POU6F2: variants seen among roughly 807,000 people sequenced by gnomAD.
The protein encoded by POU6F2 is POU class 6 homeobox 2.
Under a neutral mutation model 71.3 loss-of-function variants are expected in POU6F2, and 31 were observed. The ratio of observed to expected loss-of-function variants is 0.43; its 90% CI spans 0.33 to 0.59. The LOEUF is 0.59. Among genes scored for constraint, POU6F2 ranks in the 20% least tolerant of loss-of-function variants. POU6F2 has a pLI of 0.04. For missense variants in POU6F2, 783 were observed against 856.8 expected, an observed-to-expected ratio of 0.91 and a Z score of 1.07; for synonymous variants, 347 against 355.7, an observed-to-expected ratio of 0.98 and a Z score of 0.27.
intron 4 of POU6F2, among the ~76,000 whole-genome samples, chr7:39,281,460 C>T (rs926891771): frequency 5.3e-5 from 8 of 152,118 alleles, no homozygotes; most frequent in Non-Finnish European, 8.8e-5. Context: ...CTCCTCCTCC[C>T]TCCCCTTTCC....
At chr7:39,150,225 C>CTGTGTGTGCGTGTGTGTGTGTGTG (rs1792727062) in intron 2 of POU6F2, among the ~76,000 whole-genome samples, 2 of 141,160 alleles carry the variant, frequency 1.4e-5, no homozygotes, top group African/African-American at 5.4e-5. Flanking sequence ...AGTAATATGT[C>CTGTGTGTGCGTGTGTGTGTGTGTG]TGTGTGTGTG....
At chr7:39,286,457 T>C (rs1435665328) in intron 4 of POU6F2, among the ~76,000 whole-genome samples, 1 of 152,232 alleles carries the variant, frequency 6.6e-6, no homozygotes, top group African/African-American at 2.4e-5. Flanking sequence ...GGGGCAGAAT[T>C]AACAGGACAA....
chr7:39,016,100 A>G (rs1461722220), intron 1 of POU6F2, among the ~76,000 whole-genome samples: 2 of 107,626 alleles, frequency 1.9e-5, no homozygotes, highest in East Asian at 4.9e-4. Context: ...ATTATACATT[A>G]TATATCTATA....
chr7:39,364,196 C>A (rs1219716061), intron 5 of POU6F2, among the ~76,000 whole-genome samples: 1 of 151,498 alleles, frequency 6.6e-6, no homozygotes, highest in African/African-American at 2.4e-5. Flanking sequence ...GACATAGTTG[C>A]TGCAGGTGAG....
At chr7:39,024,864 C>T (rs1454189361) in intron 1 of POU6F2, among the ~76,000 whole-genome samples, 1 of 152,132 alleles carries the variant, frequency 6.6e-6, no homozygotes, top group Non-Finnish European at 1.5e-5. Flanking sequence ...CCCACTTGAT[C>T]ATGGTGGATA....
chr7:39,308,779 C>G (rs141792742), intron 4 of POU6F2, among the ~76,000 whole-genome samples: 6 of 152,134 alleles, frequency 3.9e-5, no homozygotes, highest in African/African-American at 1.4e-4. Flanking sequence ...AGGAAGTGGG[C>G]GCCCTGTGCC....
intron 2 of POU6F2, among the ~76,000 whole-genome samples, chr7:39,160,390 C>T (rs1562728207): frequency 6.6e-6 from 1 of 152,136 alleles, no homozygotes; most frequent in Non-Finnish European, 1.5e-5. Flanking sequence ...CACAGACACT[C>T]TTCTGGTTTC....
intron 5 of POU6F2, among the ~76,000 whole-genome samples, chr7:39,399,229 AT>A (rs375067964): frequency 1.3e-5 from 2 of 151,626 alleles, no homozygotes; most frequent in Non-Finnish European, 2.9e-5. Flanking sequence ...TCCCACCCAA[AT>A]TTTTTTCCCT....
At chr7:39,068,245 G>C (rs142829357) in intron 1 of POU6F2, among the ~76,000 whole-genome samples, 10 of 152,142 alleles carry the variant, frequency 6.6e-5, no homozygotes, top group African/African-American at 2.4e-4. Flanking sequence ...AGTGAAATAA[G>C]AGGAGAAATT....
chr7:39,289,707 A>G (rs1784715437), intron 4 of POU6F2, among the ~76,000 whole-genome samples: 1 of 152,218 alleles, frequency 6.6e-6, no homozygotes, highest in African/African-American at 2.4e-5. Context: ...ATCTGAATTT[A>G]TGGTTCAAAA....
chr7:39,378,776 A>C (rs993580688), intron 5 of POU6F2, among the ~76,000 whole-genome samples: 1 of 152,204 alleles, frequency 6.6e-6, no homozygotes, highest in Admixed American at 6.5e-5. Flanking sequence ...ATCCTTATTA[A>C]ATTGTTTCTG....
intron 2 of POU6F2, among the ~76,000 whole-genome samples, chr7:39,164,527 A>G (rs1793071117): frequency 2.0e-5 from 3 of 151,014 alleles, no homozygotes. Flanking sequence ...CCCATTAGCA[A>G]TAAGGCTCTG....
chr7:39,021,738 C>G (rs1789684152), intron 1 of POU6F2, among the ~76,000 whole-genome samples: 1 of 151,922 alleles, frequency 6.6e-6, no homozygotes, highest in Non-Finnish European at 1.5e-5. Context: ...TTAATTCAAT[C>G]CTTTCATTTT....
At chr7:39,391,318 A>G (rs949347238) in intron 5 of POU6F2, among the ~76,000 whole-genome samples, 5 of 152,014 alleles carry the variant, frequency 3.3e-5, no homozygotes, top group Non-Finnish European at 7.4e-5. Context: ...AATATTTCCT[A>G]TATAATAATT....
At chr7:39,182,863 A>G (rs1481048436) in intron 2 of POU6F2, among the ~76,000 whole-genome samples, 1 of 152,198 alleles carries the variant, frequency 6.6e-6, no homozygotes, top group East Asian at 1.9e-4. Flanking sequence ...TCAGAGTCCG[A>G]TAGGCACTTT....
chr7:39,276,943 C>A (rs985668455), intron 4 of POU6F2, among the ~76,000 whole-genome samples: 16 of 151,272 alleles, frequency 1.1e-4, no homozygotes, highest in African/African-American at 3.9e-4. Flanking sequence ...AGGAGATATA[C>A]CTAATGCTAA....
At chr7:39,173,088 A>G (rs953448434) in intron 2 of POU6F2, among the ~76,000 whole-genome samples, 5 of 152,248 alleles carry the variant, frequency 3.3e-5, no homozygotes, top group Non-Finnish European at 5.9e-5. Context: ...CAATATACCC[A>G]AAAGATTATC....
chr7:39,194,805 C>T (rs1241710140), intron 2 of POU6F2, among the ~76,000 whole-genome samples: 2 of 152,172 alleles, frequency 1.3e-5, no homozygotes, highest in Non-Finnish European at 1.5e-5. Context: ...AGCTTCACTC[C>T]TTAAGTCAGC....
At chr7:39,175,718 AATC>A (rs1264840411) in intron 2 of POU6F2, among the ~76,000 whole-genome samples, 5 of 152,120 alleles carry the variant, frequency 3.3e-5, no homozygotes, top group African/African-American at 1.2e-4. Flanking sequence ...AAACCATGAA[AATC>A]ATCATGTGGC....
Sources: allele counts gnomAD v4.1 joint callset (sites outside exome capture counted in the v4.1 genomes callset), GRCh38; gene constraint gnomAD v4.1.1; transcripts MANE v1.5; gene names NCBI Gene and HGNC (gene_info 2026-07-23, HGNC 2026-07-21).